The following ST3GAL6 variants were observed in gnomAD, a reference collection of about 807,000 sequenced individuals.
ST3GAL6 encodes ST3 beta-galactoside alpha-2,3-sialyltransferase 6.
A neutral mutation model predicts 40.5 loss-of-function variants in ST3GAL6; 31 were observed. The observed-to-expected ratio is 0.77, with a 90% CI of 0.58 to 1.03. The LOEUF (loss-of-function observed/expected upper bound fraction) is 1.03. ST3GAL6 is among the 50% of genes least tolerant of loss of function. The probability of loss-of-function intolerance (pLI) is 0.00; values close to 1 mark genes in which losing one functional copy is unlikely to be tolerated. For synonymous variants in ST3GAL6, 129 were observed against 136.9 expected (o/e 0.94, Z 0.40); for missense variants, 357 against 393.2 (o/e 0.91, Z 0.78).
At chr3:98,776,929 C>G (rs1559746055) in intron 5 of ST3GAL6, among the ~76,000 whole-genome samples, 1 of 152,178 alleles carries the variant, frequency 6.6e-6, no homozygotes, top group Non-Finnish European at 1.5e-5. Context: ...CTCAAAATAT[C>G]AGTTGTGATT....
chr3:98,736,699 C>T (rs1935573848), intron 1 of ST3GAL6, among the ~76,000 whole-genome samples: 1 of 152,114 alleles, frequency 6.6e-6, no homozygotes, highest in Non-Finnish European at 1.5e-5. Context: ...AAGAGATGTT[C>T]TTGTGGGTGG....
At chr3:98,791,724 T>C in intron 8 of ST3GAL6, 117 bp from the exon 9 acceptor site, 2 of 926,862 alleles carry the variant, frequency 2.2e-6, no homozygotes, top group Non-Finnish European at 3.3e-6. Context: ...GTTTAGTTAT[T>C]TCTCTCCTTA....
rs765591012 is a variant in ST3GAL6, at chr3:98,768,570, G to A, written c.89+41G>A. 4.9e-6 allele frequency: 7 copies of A among 1,434,384 alleles called. No homozygotes were observed. In the African/African-American group the frequency reaches 9.8e-5, roughly 20 times the overall value. 88.9% of individuals were successfully genotyped at this position (1,434,384 alleles called of 1,614,324 possible). A position where few individuals can be genotyped will look rare whatever the true frequency, so the allele number is the denominator to read the frequency against. Reference sequence around the variant, plus strand: ...TTATTTAAAAATAACTCTCAACCTAGTCTTTCACACAAATCCACAAATTAT... The same window carrying A: ...TTATTTAAAAATAACTCTCAACCTAATCTTTCACACAAATCCACAAATTAT... On this transcript the variant is annotated intron_variant, in intron 2 of 9. Transcript: ENST00000483910.
At chr3:98,733,265 G>A (rs1215577510) in intron 1 of ST3GAL6, 9 of 984,380 alleles carry the variant, frequency 9.1e-6, no homozygotes, top group Non-Finnish European at 1.1e-5. Context: ...GAGGGCACCC[G>A]GGGATCCTGG....
chr3:98,780,966 A>C (rs1408792766), intron 5 of ST3GAL6, among the ~76,000 whole-genome samples: 1 of 152,226 alleles, frequency 6.6e-6, no homozygotes, highest in Admixed American at 6.5e-5. Context: ...ATATACCCAA[A>C]AGATTATAAA....
At chr3:98,746,525 G>T (rs115840124) in intron 1 of ST3GAL6, among the ~76,000 whole-genome samples, 2 of 151,844 alleles carry the variant, frequency 1.3e-5, no homozygotes, top group African/African-American at 4.8e-5. Context: ...TTCTAGACTG[G>T]GTTGTTTTAT....
intron 1 of ST3GAL6, chr3:98,732,937 C>T: frequency 6.6e-7 from 1 of 1,512,580 alleles, no homozygotes; most frequent in South Asian, 1.2e-5. Context: ...CCCGGTGCGC[C>T]TCTGCGGTCG....
Position 98,788,097 on chromosome 3 carries a change from C to CT in ST3GAL6, c.499dup (p.Tyr167LeufsTer13), listed in dbSNP as rs1559754722. Reference sequence around the variant, plus strand: ...AGTTGGGAGAAGGACAACCTTCCGACTTTTTTATCCAGAATCTGTTTTTTC... The same window carrying CT: ...AGTTGGGAGAAGGACAACCTTCCGACTTTTTTTATCCAGAATCTGTTTTTTC... On this transcript the variant is annotated frameshift_variant, in exon 7 of 10. Transcript: ENST00000483910. LOFTEE classifies it high-confidence loss of function. 6.2e-7 allele frequency: 1 copy of CT among 1,613,982 alleles called. No homozygotes were observed. Among genetic ancestry groups the CT allele is most frequent in the South Asian group, 1.1e-5 (1 of 91,062 alleles).
At chr3:98,737,995 G>A (rs1935699912) in intron 1 of ST3GAL6, among the ~76,000 whole-genome samples, 1 of 152,182 alleles carries the variant, frequency 6.6e-6, no homozygotes, top group East Asian at 1.9e-4. Flanking sequence ...GATATGGGGG[G>A]CAGTTTCTAA....
chr3:98,747,775 G>A (rs1030998860), intron 1 of ST3GAL6, among the ~76,000 whole-genome samples: 2 of 152,148 alleles, frequency 1.3e-5, no homozygotes, highest in African/African-American at 4.8e-5. Flanking sequence ...TGTTAACACT[G>A]AAAACAATAT....
chr3:98,782,716 G>C, intron 5 of ST3GAL6: 1 of 466,878 alleles, frequency 2.1e-6, no homozygotes. Flanking sequence ...GCAGGGAGGA[G>C]GCCAATGGCG....
At chr3:98,758,334 T>A (rs1171435648) in intron 1 of ST3GAL6, among the ~76,000 whole-genome samples, 1 of 152,210 alleles carries the variant, frequency 6.6e-6, no homozygotes, top group East Asian at 1.9e-4. Flanking sequence ...CAAATGAGAA[T>A]GAAACCTATT....
chr3:98,741,013 A>C (rs2107279538), intron 1 of ST3GAL6, among the ~76,000 whole-genome samples: 1 of 151,442 alleles, frequency 6.6e-6, no homozygotes, highest in Non-Finnish European at 1.5e-5. Flanking sequence ...GTACTCTGCT[A>C]TTATAAAGGG....
intron 5 of ST3GAL6, among the ~76,000 whole-genome samples, chr3:98,781,108 G>GAA (rs1266989496): frequency 6.6e-6 from 1 of 152,166 alleles, no homozygotes; most frequent in Non-Finnish European, 1.5e-5. Flanking sequence ...ATTGAATAAA[G>GAA]AAAATGTGAC....
chr3:98,746,468 C>T (rs192942417), intron 1 of ST3GAL6, among the ~76,000 whole-genome samples: 10 of 152,002 alleles, frequency 6.6e-5, no homozygotes, highest in Non-Finnish European at 1.3e-4. Flanking sequence ...CTTTTCTTCT[C>T]CCCTCTGCCC....
intron 1 of ST3GAL6, among the ~76,000 whole-genome samples, chr3:98,765,893 T>C (rs960242377): frequency 6.6e-6 from 1 of 152,232 alleles, no homozygotes; most frequent in Non-Finnish European, 1.5e-5. Flanking sequence ...CTTCCACTTA[T>C]ACAATATAAT....
rs767107367 is a variant in ST3GAL6, at chr3:98,791,921, T to C, written c.837T>C (p.Phe279=). ...GTCACGAAGTTCACCTAGCTGGTTT[T>C]AAATACAACTTTTCTGACCTCAAGA... ...YICHEVHLAG[F]KYNFSDLKSP... is the part of the protein sequence containing the mutation. Residue 279 remains phenylalanine (F), a synonymous_variant, in exon 9 of 10, where the codon TTT becomes TTC. Transcript: ENST00000483910. The C allele has an allele frequency of 2.4e-5, 39 of 1,613,984 alleles. No homozygotes were observed. The South Asian group carries it at 4.3e-4, about 18-fold the overall frequency.
chr3:98,771,539 T>C (rs1379509345), intron 3 of ST3GAL6, among the ~76,000 whole-genome samples: 1 of 152,190 alleles, frequency 6.6e-6, no homozygotes, highest in Non-Finnish European at 1.5e-5. Context: ...TAACAAGAAA[T>C]AAAAATCTGT....
At chr3:98,773,250 T>C (rs1939185030) in intron 4 of ST3GAL6, 1 of 167,450 alleles carries the variant, frequency 6.0e-6, no homozygotes, top group Non-Finnish European at 1.3e-5. Context: ...GTTAGCTTCC[T>C]TCCTAGCTTC....
Sources: gnomAD v4.1 joint callset for allele counts (sites outside exome capture counted in the v4.1 genomes callset) on GRCh38, gnomAD v4.1.1 for gene constraint, MANE v1.5 for transcripts, NCBI Gene and HGNC (gene_info 2026-07-23, HGNC 2026-07-21) for gene names.